The following HMG20A variants were observed in gnomAD, a reference collection of about 807,000 sequenced individuals.
The protein encoded by HMG20A is high mobility group 20A.
Under a neutral mutation model 43.9 loss-of-function variants are expected in HMG20A, and 17 were observed. That is an observed-to-expected ratio of 0.39 (90% CI 0.27 to 0.58). The LOEUF is 0.58. Among genes scored for constraint, HMG20A ranks in the 20% least tolerant of loss-of-function variants. The pLI, the probability that HMG20A is intolerant of heterozygous loss-of-function variation, is 0.59. For synonymous variants in HMG20A, 132 were observed against 147.5 expected (o/e 0.89, Z 0.76); for missense variants, 341 against 438.2 (o/e 0.78, Z 1.98).
chr15:77,478,653 G>T, intron 8 of HMG20A, 143 bp downstream of exon 8: 2 of 677,542 alleles, frequency 3.0e-6, no homozygotes, highest in Non-Finnish European at 5.0e-6. Flanking sequence ...TTCTTCTCTG[G>T]ATATAATAGA....
intron 2 of HMG20A, among the ~76,000 whole-genome samples, chr15:77,462,772 C>CTTT (rs71145836): frequency 8.6e-5 from 11 of 127,784 alleles, no homozygotes; most frequent in East Asian, 2.2e-4. Flanking sequence ...TTTTCTTTTT[C>CTTT]TTTTTTTTTT....
At chr15:77,516,981 C>T in the HMG20A span, among the ~76,000 whole-genome samples, 3 of 152,200 alleles carry the variant, frequency 2.0e-5, no homozygotes, top group Admixed American at 2.0e-4. Flanking sequence ...AGCATGGTGG[C>T]CTCACCGTCC....
chr15:77,443,379 G>GATGATGATTATT lies in HMG20A; in HGVS notation c.-4-15023_-4-15022insGATGATTATTAT, dbSNP rs576920554. Among the ~76,000 whole-genome samples, 453 of 131,300 alleles carry GATGATGATTATT rather than the reference G, an allele frequency of 3.5e-3. 1 individual carries two copies. The highest frequency in any genetic ancestry group is 0.01 in the Admixed American group (132 of 12,630). 86.1% of individuals were successfully genotyped at this position (131,300 alleles called of 152,430 possible). ...TGATGATGATGATGATGATGATGAT[G>GATGATGATTATT]ATTATTATTATTATTATTATTATTA... On this transcript the variant is annotated intron_variant, in intron 1 of 9. Transcript: ENST00000336216.
At chr15:77,497,892 C>T in the HMG20A span, among the ~76,000 whole-genome samples, 1 of 150,972 alleles carries the variant, frequency 6.6e-6, no homozygotes, top group Non-Finnish European at 1.5e-5. Flanking sequence ...GAAGAAAAAC[C>T]CAACCCGCCA....
intron 1 of HMG20A, among the ~76,000 whole-genome samples, chr15:77,435,905 T>C (rs974256744): frequency 6.6e-6 from 1 of 152,030 alleles, no homozygotes; most frequent in South Asian, 2.1e-4. Context: ...CAGTTCCTCC[T>C]CTACTCATCT....
intron 6 of HMG20A, among the ~76,000 whole-genome samples, chr15:77,472,409 G>A (rs922635115): frequency 1.3e-5 from 2 of 152,262 alleles, no homozygotes; most frequent in Admixed American, 6.5e-5. Flanking sequence ...CGAGTAGCTG[G>A]GACTACAGGC....
At chr15:77,509,780 G>T in the HMG20A span, among the ~76,000 whole-genome samples, 2 of 151,716 alleles carry the variant, frequency 1.3e-5, no homozygotes, top group Non-Finnish European at 2.9e-5. Flanking sequence ...GGTGGTGCAT[G>T]CCTGTAATCC....
the HMG20A span, among the ~76,000 whole-genome samples, chr15:77,495,217 G>A: frequency 6.6e-6 from 1 of 152,210 alleles, no homozygotes; most frequent in Non-Finnish European, 1.5e-5. Flanking sequence ...CAAGGAGCAA[G>A]CAGCTGACTC....
downstream of HMG20A, among the ~76,000 whole-genome samples, chr15:77,490,583 G>C (rs1045608949): frequency 2.6e-5 from 4 of 152,212 alleles, no homozygotes; most frequent in African/African-American, 9.6e-5. Context: ...AGTACTTTGG[G>C]AGGCCAAGGC....
chr15:77,508,273 C>T, the HMG20A span, among the ~76,000 whole-genome samples: 1 of 152,118 alleles, frequency 6.6e-6, no homozygotes, highest in East Asian at 1.9e-4. Context: ...TACTCAGCAC[C>T]TGCTTGTCTC....
chr15:77,457,675 T>C (rs1043783278), intron 1 of HMG20A, among the ~76,000 whole-genome samples: 21 of 152,206 alleles, frequency 1.4e-4, no homozygotes, highest in African/African-American at 4.8e-4. Context: ...TTAAGCTTAG[T>C]TGTTTCCTGT....
the HMG20A span, among the ~76,000 whole-genome samples, chr15:77,519,087 C>T: frequency 9.9e-5 from 15 of 152,234 alleles, no homozygotes; most frequent in East Asian, 2.9e-3. Context: ...TGCAAATGGC[C>T]ACCTCCTGGG....
chr15:77,439,189 G>T (rs1242179774), intron 1 of HMG20A, among the ~76,000 whole-genome samples: 4 of 152,214 alleles, frequency 2.6e-5, no homozygotes, highest in Non-Finnish European at 4.4e-5. Flanking sequence ...CAGGTTGGGG[G>T]CTGAGCCTTG....
intron 1 of HMG20A, among the ~76,000 whole-genome samples, chr15:77,442,545 T>C (rs1315631788): frequency 1.3e-5 from 2 of 152,234 alleles, no homozygotes; most frequent in Non-Finnish European, 2.9e-5. Context: ...GAATTTTTAA[T>C]ATAAAGCATG....
chr15:77,439,462 T>A (rs2073587286), intron 1 of HMG20A, among the ~76,000 whole-genome samples: 1 of 152,204 alleles, frequency 6.6e-6, no homozygotes, highest in Non-Finnish European at 1.5e-5. Context: ...TTTTACTTGT[T>A]ATTGAGCTTC....
At chr15:77,423,560 C>T (rs1364620339) in intron 1 of HMG20A, among the ~76,000 whole-genome samples, 1 of 152,010 alleles carries the variant, frequency 6.6e-6, no homozygotes, top group East Asian at 1.9e-4. Flanking sequence ...TTTTCAAATA[C>T]TTGGATTAGA....
At chr15:77,457,184 C>T (rs2072662123) in intron 1 of HMG20A, among the ~76,000 whole-genome samples, 1 of 152,134 alleles carries the variant, frequency 6.6e-6, no homozygotes, top group Admixed American at 6.6e-5. Flanking sequence ...TAAATCACTC[C>T]ATTGAACATG....
chr15:77,467,047 G>A (rs1034983526), intron 3 of HMG20A, 48 bp from the exon 4 acceptor site: 5 of 1,475,214 alleles, frequency 3.4e-6, no homozygotes, highest in African/African-American at 2.8e-5. Context: ...TATTTTGGGA[G>A]ATGGTTGTTG....
chr15:77,516,369 G>A, the HMG20A span, among the ~76,000 whole-genome samples: 8 of 152,292 alleles, frequency 5.3e-5, no homozygotes, highest in South Asian at 4.1e-4. Flanking sequence ...CTGGCTACTC[G>A]GGAGACTGAG....
Sources: allele counts gnomAD v4.1 joint callset (sites outside exome capture counted in the v4.1 genomes callset), GRCh38; gene constraint gnomAD v4.1.1; transcripts MANE v1.5; gene names NCBI Gene and HGNC (gene_info 2026-07-23, HGNC 2026-07-21).